Variants in MARCHF7 observed in about 807,000 individuals in gnomAD.
MARCHF7 encodes membrane associated ring-CH-type finger 7, also known as E3 ubiquitin-protein ligase MARCHF7.
A neutral mutation model predicts 76.5 loss-of-function variants in MARCHF7; 20 were observed. The ratio of observed to expected loss-of-function variants is 0.26; its 90% CI spans 0.18 to 0.38. The LOEUF (loss-of-function observed/expected upper bound fraction) is 0.38. MARCHF7 is among the 10% of genes least tolerant of loss of function. The pLI, the probability that MARCHF7 is intolerant of heterozygous loss-of-function variation, is 1.00. For missense variants in MARCHF7, 797 were observed against 812.9 expected (o/e 0.98, Z 0.24); for synonymous variants, 295 against 293.0 (o/e 1.01, Z -0.07).
chr2:159,728,825 T>C (rs188415593), intron 3 of MARCHF7, among the ~76,000 whole-genome samples, 184 bp from the exon 4 acceptor site: 92 of 152,340 alleles, frequency 6.0e-4, no homozygotes, highest in African/African-American at 2.1e-3. Flanking sequence ...TTATGGACGA[T>C]AGGAAACCTT....
intron 3 of MARCHF7, among the ~76,000 whole-genome samples, chr2:159,721,316 A>T (rs949096015): frequency 2.6e-5 from 4 of 152,188 alleles, no homozygotes; most frequent in Admixed American, 6.5e-5. Context: ...TCATTTAAAA[A>T]AGCAGTTCAT....
chr2:159,721,987 A>G (rs1005249675), intron 3 of MARCHF7, among the ~76,000 whole-genome samples: 2 of 152,210 alleles, frequency 1.3e-5, no homozygotes, highest in Non-Finnish European at 2.9e-5. Context: ...AGCATGACAT[A>G]GTGACAGAAG....
chr2:159,758,753 G>A (rs1706639771), intron 8 of MARCHF7, among the ~76,000 whole-genome samples: 2 of 152,192 alleles, frequency 1.3e-5, no homozygotes, highest in African/African-American at 4.8e-5. Flanking sequence ...AAGTAAGGCA[G>A]ACATATTCCT....
chr2:159,712,734 G>GAGGAA (rs1700336860), intron 1 of MARCHF7, 128 bp downstream of exon 1: 1 of 152,400 alleles, frequency 6.6e-6, no homozygotes. Context: ...TGGGGGAGGG[G>GAGGAA]AGGAAACGAA....
In MARCHF7 at chr2:159,769,671, C is replaced by T. The variant is rs1335935982; in HGVS notation, c.*2329C>T. 6.6e-6 allele frequency: 1 copy of T among 151,446 alleles called. No individual in the cohort carries two copies. The highest frequency in any genetic ancestry group is 1.5e-5 in the Non-Finnish European group (1 of 68,006). 9.4% of individuals were successfully genotyped at this position (151,446 alleles called of 1,614,324 possible). On this transcript the variant is annotated 3_prime_UTR_variant, in exon 12 of 12. Transcript: ENST00000409175. Reference sequence around the variant, plus strand: ...ATATATATATATAGCACTTCATTACCAGAGGCCTCTTGGCCTGTTGAAAAA... The same window carrying T: ...ATATATATATATAGCACTTCATTACTAGAGGCCTCTTGGCCTGTTGAAAAA...
At chr2:159,717,721 T>C (rs1463307138) in intron 3 of MARCHF7, among the ~76,000 whole-genome samples, 1 of 152,212 alleles carries the variant, frequency 6.6e-6, no homozygotes, top group Non-Finnish European at 1.5e-5. Flanking sequence ...CAAATAATTG[T>C]TGCCCTCAAT....
At chr2:159,715,021 C>T (rs1216387555) in intron 2 of MARCHF7, among the ~76,000 whole-genome samples, 3 of 152,212 alleles carry the variant, frequency 2.0e-5, no homozygotes, top group Non-Finnish European at 4.4e-5. Context: ...TTTGCTGATA[C>T]ATCCTTCTGT....
chr2:159,718,375 A>G (rs1200818705), intron 3 of MARCHF7, among the ~76,000 whole-genome samples: 1 of 152,282 alleles, frequency 6.6e-6, no homozygotes. Flanking sequence ...TAATACATTA[A>G]CATACAGGAA....
chr2:159,743,138 C>T lies in MARCHF7; in HGVS notation c.231C>T (p.Arg77=), dbSNP rs1560010352. Residue 77 remains arginine, a synonymous_variant, in exon 5 of 12, where the codon CGC becomes CGT. Coordinates refer to ENST00000409175, the MANE Select transcript of MARCHF7 (RefSeq NM_001282805.2). ...YSESEITQGA[R]SRSQNQQRDH... ...AATCTGAGATAACTCAGGGAGCACG[C>T]TCAAGATCGCAGAACCAGCAACGGG... The T allele has an allele frequency of 6.2e-7, 1 of 1,614,190 alleles. No homozygotes were observed. Among genetic ancestry groups the T allele is most frequent in the East Asian group, 2.2e-5 (1 of 44,892 alleles).
intron 4 of MARCHF7, among the ~76,000 whole-genome samples, chr2:159,736,526 A>T (rs1170535366): frequency 1.3e-5 from 2 of 152,204 alleles, no homozygotes; most frequent in Non-Finnish European, 2.9e-5. Context: ...TCCTTATTGG[A>T]TACATGATTT....
chr2:159,753,670 T>G (rs1294434847), intron 8 of MARCHF7, among the ~76,000 whole-genome samples: 1 of 152,150 alleles, frequency 6.6e-6, no homozygotes, highest in African/African-American at 2.4e-5. Context: ...GGGAATGAAA[T>G]GATCTTATTA....
intron 3 of MARCHF7, among the ~76,000 whole-genome samples, chr2:159,724,985 A>G (rs949812405): frequency 6.6e-6 from 1 of 152,150 alleles, no homozygotes; most frequent in African/African-American, 2.4e-5. Flanking sequence ...TTCCAGCTTC[A>G]TCTATGTCCC....
chr2:159,759,189 T>C (rs1170771445), intron 8 of MARCHF7, 37 bp from the exon 9 acceptor site: 4 of 1,191,710 alleles, frequency 3.4e-6, no homozygotes, highest in Non-Finnish European at 4.9e-6. Context: ...GAAGACATTA[T>C]AAAACTAAGC....
At chr2:159,751,231 T>A (rs1705612099) in intron 7 of MARCHF7, among the ~76,000 whole-genome samples, 1 of 152,226 alleles carries the variant, frequency 6.6e-6, no homozygotes, top group Admixed American at 6.5e-5. Context: ...TTTAGTTATC[T>A]TCAGAGAGAA....
rs1708051289 is a variant in MARCHF7, at chr2:159,769,130, C to T, written c.*1788C>T. ...AATTCTGAACAAAAGAGACCATACA[C>T]TGCTCACTACAAGAATGCAATTTTC... On this transcript the variant is annotated 3_prime_UTR_variant, in exon 12 of 12. Transcript: ENST00000409175. The T allele has an allele frequency of 6.6e-6, 1 of 152,152 alleles. No homozygotes were observed. Among genetic ancestry groups the T allele is most frequent in the African/African-American group, 2.4e-5 (1 of 41,440 alleles). The allele number at this position is 152,152 out of a possible 1,614,324, so 9.4% of individuals were successfully genotyped here. A position where few individuals can be genotyped will look rare whatever the true frequency, so the allele number is the denominator to read the frequency against.
At position 159,769,275 on chromosome 2, in the gene MARCHF7, C is replaced by T. The variant is rs929609859; in HGVS notation, c.*1933C>T. 3 of 152,142 alleles carry T rather than the reference C, an allele frequency of 2.0e-5. No individual in the cohort carries two copies. The highest frequency in any genetic ancestry group is 7.2e-5 in the African/African-American group (3 of 41,426). The allele number at this position is 152,142 out of a possible 1,614,324, so 9.4% of individuals were successfully genotyped here. A position where few individuals can be genotyped will look rare whatever the true frequency, so the allele number is the denominator to read the frequency against. ...CTACATTCTGGATGTAGTAAACAAG[C>T]CTGCCTGTGTAATCCAATTATCTCT... On this transcript the variant is annotated 3_prime_UTR_variant, in exon 12 of 12. Transcript: ENST00000409175.
intron 4 of MARCHF7, among the ~76,000 whole-genome samples, chr2:159,736,345 A>C (rs1190088606): frequency 6.6e-6 from 1 of 152,124 alleles, no homozygotes; most frequent in African/African-American, 2.4e-5. Context: ...TGTGGTTTTG[A>C]TTTGGATTTC....
chr2:159,712,708 G>C (rs1161832978), intron 1 of MARCHF7, 102 bp downstream of exon 1: 2 of 152,320 alleles, frequency 1.3e-5, no homozygotes, highest in African/African-American at 4.8e-5. Flanking sequence ...GCGCTAGTTC[G>C]GGACCAGGCC....
rs114038657 is a variant in MARCHF7, at chr2:159,769,712, A to C, written c.*2370A>C. ...TGTTGAAAAATGAAACCAAATATTG[A>C]AAATTAAATCAGAGTTTAAAGCAGC... On this transcript the variant is annotated 3_prime_UTR_variant, in exon 12 of 12. Transcript: ENST00000409175. 1 of 152,208 alleles carries C rather than the reference A, an allele frequency of 6.6e-6. No homozygotes were observed. Among genetic ancestry groups the C allele is most frequent in the African/African-American group, 2.4e-5 (1 of 41,446 alleles). 9.4% of individuals were successfully genotyped at this position (152,208 alleles called of 1,614,324 possible).
Sources: gnomAD v4.1 joint callset for allele counts (sites outside exome capture counted in the v4.1 genomes callset) on GRCh38, gnomAD v4.1.1 for gene constraint, MANE v1.5 for transcripts, NCBI Gene and HGNC (gene_info 2026-07-23, HGNC 2026-07-21) for gene names.